CNTN6: variants seen among roughly 807,000 people sequenced by gnomAD.
CNTN6 encodes contactin-6.
A neutral mutation model predicts 122.8 loss-of-function variants in CNTN6; 137 were observed. That is an observed-to-expected ratio of 1.12 (90% confidence interval 0.97 to 1.29). CNTN6 has a LOEUF of 1.29. CNTN6 is among the 50% of genes most tolerant of loss of function. CNTN6 has a pLI of 0.00. For missense variants in CNTN6, 1,634 were observed against 1,223.4 expected (o/e 1.34, Z -5.01); for synonymous variants, 570 against 426.0 (o/e 1.34, Z -4.16).
intron 1 of CNTN6, among the ~76,000 whole-genome samples, chr3:1,131,227 T>A (rs915359871): frequency 2.6e-5 from 4 of 152,128 alleles, no homozygotes; most frequent in African/African-American, 9.7e-5. Flanking sequence ...AATGTAGTGC[T>A]GAGCTCAGAA....
intron 1 of CNTN6, among the ~76,000 whole-genome samples, chr3:1,129,559 GAAT>G (rs1488632143): frequency 1.3e-5 from 2 of 151,996 alleles, no homozygotes; most frequent in Non-Finnish European, 2.9e-5. Flanking sequence ...CGTAAAATGT[GAAT>G]AATAATGCCT....
At position 1,381,743 on chromosome 3, in the gene CNTN6, C is replaced by CCT. The variant is rs541034714; in HGVS notation, c.2167-1197_2167-1196dup. Among the ~76,000 whole-genome samples, 43 of 152,250 alleles carry CCT rather than the reference C, an allele frequency of 2.8e-4. No homozygotes were observed. The South Asian group carries it at 8.5e-3, about 30-fold the overall frequency. ...ATCTGTTTTCTCTTAGCTTCTATTGCCTCACTGTTCCTGCTACTCCATGTT... is the reference window on the plus strand; with the variant it reads ...ATCTGTTTTCTCTTAGCTTCTATTGCCTCTCACTGTTCCTGCTACTCCATGTT... On this transcript the variant is annotated intron_variant, in intron 17 of 22. Transcript: ENST00000446702.
chr3:1,252,452 G>A (rs1256945961), intron 4 of CNTN6, among the ~76,000 whole-genome samples: 4 of 152,124 alleles, frequency 2.6e-5, no homozygotes, highest in Non-Finnish European at 4.4e-5. Flanking sequence ...GTTAACATTA[G>A]TAGATTCTTC....
chr3:1,354,819 A>G (rs1393188270), intron 12 of CNTN6, among the ~76,000 whole-genome samples: 1 of 151,626 alleles, frequency 6.6e-6, no homozygotes, highest in African/African-American at 2.4e-5. Context: ...AAAAAAGAAC[A>G]TCAAAGAAAA....
Position 1,403,537 on chromosome 3 carries a change from A to G in CNTN6, c.*119A>G. ...AGACTTGTTTGCAAAGAAAAAAAAA[A>G]GTATATTATTAAAATCCTGTAAATA... On this transcript the variant is annotated 3_prime_UTR_variant, in exon 23 of 23. Coordinates refer to ENST00000446702, the MANE Select transcript of CNTN6 (RefSeq NM_001289080.2). 1.9e-6 allele frequency: 1 copy of G among 524,264 alleles called. No individual in the cohort carries two copies. The highest frequency in any genetic ancestry group is 3.3e-6 in the Non-Finnish European group (1 of 302,294). 32.5% of individuals were successfully genotyped at this position (524,264 alleles called of 1,614,324 possible). A position where few individuals can be genotyped will look rare whatever the true frequency, so the allele number is the denominator to read the frequency against.
At chr3:1,256,247 T>C (rs768561175) in intron 4 of CNTN6, among the ~76,000 whole-genome samples, 2 of 152,166 alleles carry the variant, frequency 1.3e-5, no homozygotes, top group African/African-American at 4.8e-5. Flanking sequence ...TTCTAAGTTA[T>C]GAAATAATCT....
intron 2 of CNTN6, among the ~76,000 whole-genome samples, chr3:1,164,645 T>C (rs1025815322): frequency 9.9e-5 from 15 of 152,178 alleles, no homozygotes; most frequent in Non-Finnish European, 2.2e-4. Flanking sequence ...CTGAAGAAAT[T>C]CTTGACATAT....
intron 12 of CNTN6, among the ~76,000 whole-genome samples, chr3:1,369,846 CTT>C (rs570471554): frequency 1.4e-5 from 2 of 141,070 alleles, no homozygotes; most frequent in Admixed American, 7.1e-5. Context: ...CCCTGGATAT[CTT>C]TTTTTTTTTT....
chr3:1,164,597 G>C (rs975931501), intron 2 of CNTN6, among the ~76,000 whole-genome samples: 10 of 152,202 alleles, frequency 6.6e-5, no homozygotes, highest in African/African-American at 2.2e-4. Flanking sequence ...GGAGGCTTTG[G>C]AGGGGCTATA....
intron 5 of CNTN6, among the ~76,000 whole-genome samples, chr3:1,291,875 C>T (rs187586492): frequency 1.3e-4 from 20 of 152,186 alleles, no homozygotes; most frequent in Admixed American, 2.0e-4. Context: ...GAGAACAGCA[C>T]GAGCATCTCA....
chr3:1,292,394 G>A (rs1695476400), intron 5 of CNTN6, among the ~76,000 whole-genome samples: 1 of 151,990 alleles, frequency 6.6e-6, no homozygotes, highest in Admixed American at 6.6e-5. Flanking sequence ...TGATAAACTT[G>A]ATATTTTTAA....
Position 1,327,490 on chromosome 3 carries a change from A to C in CNTN6, c.1117A>C (p.Ile373Leu). The C allele has an allele frequency of 6.2e-7, 1 of 1,610,914 alleles. No individual in the cohort carries two copies. Among genetic ancestry groups the C allele is most frequent in the Non-Finnish European group, 8.5e-7 (1 of 1,178,040 alleles). The part of the protein sequence containing the change: ...RIQIENGTLI[I>L]TMLNVSDSGV... ...TCAAATAGAAAATGGGACACTCATC[A>C]TAACGATGCTGAATGTGTCAGATTC... is the stretch of plus-strand genomic sequence containing the variant. The change falls in exon 10 of 23, where the codon ATA becomes CTA. Residue 373 changes from isoleucine (I) to leucine (L), a missense_variant. Transcript: ENST00000446702.
intron 11 of CNTN6, among the ~76,000 whole-genome samples, chr3:1,341,978 A>G (rs1450441928): frequency 2.0e-5 from 3 of 152,178 alleles, no homozygotes; most frequent in African/African-American, 7.2e-5. Context: ...CCTTTCAGTT[A>G]ACTACCTAAA....
At chr3:1,389,414 A>G (rs1443493653) in intron 20 of CNTN6, among the ~76,000 whole-genome samples, 4 of 152,082 alleles carry the variant, frequency 2.6e-5, no homozygotes, top group African/African-American at 4.8e-5. Flanking sequence ...TGAAGGAAGC[A>G]CTAAACATGG....
intron 1 of CNTN6, among the ~76,000 whole-genome samples, chr3:1,094,279 C>T (rs1451903952): frequency 6.6e-6 from 1 of 152,116 alleles, no homozygotes; most frequent in Non-Finnish European, 1.5e-5. Flanking sequence ...CCTCCTCCTT[C>T]ACACACATGT....
chr3:1,195,326 T>C (rs1284189797), intron 2 of CNTN6, among the ~76,000 whole-genome samples: 1 of 152,172 alleles, frequency 6.6e-6, no homozygotes, highest in Non-Finnish European at 1.5e-5. Context: ...CTGTGAATAA[T>C]AAACCATCTT....
chr3:1,236,942 G>A (rs115709335), intron 4 of CNTN6, among the ~76,000 whole-genome samples: 7 of 152,112 alleles, frequency 4.6e-5, no homozygotes, highest in East Asian at 3.9e-4. Context: ...TTAGCCAAGC[G>A]TGGTGGTGGG....
chr3:1,238,882 T>C (rs1275460281), intron 4 of CNTN6, among the ~76,000 whole-genome samples: 1 of 152,074 alleles, frequency 6.6e-6, no homozygotes, highest in Non-Finnish European at 1.5e-5. Context: ...ATAAAATTGA[T>C]AGACTGTTAG....
intron 7 of CNTN6, among the ~76,000 whole-genome samples, chr3:1,302,702 A>G (rs950484445): frequency 6.6e-6 from 1 of 152,050 alleles, no homozygotes; most frequent in African/African-American, 2.4e-5. Context: ...ACCCCCTATC[A>G]CTGGGAATAT....
Sources: gnomAD v4.1 joint callset for allele counts (sites outside exome capture counted in the v4.1 genomes callset) on GRCh38, gnomAD v4.1.1 for gene constraint, MANE v1.5 for transcripts, NCBI Gene and HGNC (gene_info 2026-07-23, HGNC 2026-07-21) for gene names.